TAOK1: variants seen among roughly 807,000 people sequenced by gnomAD.
The protein encoded by TAOK1 is TAO kinase 1.
In TAOK1, 21 loss-of-function variants were observed where a neutral mutation model predicts 138.3. That is an observed-to-expected ratio of 0.15 (90% CI 0.11 to 0.22). The LOEUF (loss-of-function observed/expected upper bound fraction) is 0.22, where lower values mean the gene tolerates loss of function less well. Ranked by LOEUF, TAOK1 falls within the 10% of genes least tolerant of loss-of-function variation. The pLI, the probability that TAOK1 is intolerant of heterozygous loss-of-function variation, is 1.00. For missense variants in TAOK1, 651 were observed against 1,227.7 expected, an observed-to-expected ratio of 0.53 and a Z score of 7.02; for synonymous variants, 361 against 398.4, an observed-to-expected ratio of 0.91 and a Z score of 1.12.
chr17:29,457,723 G>C (rs567180148), intron 2 of TAOK1, among the ~76,000 whole-genome samples: 17 of 151,740 alleles, frequency 1.1e-4, no homozygotes, highest in Non-Finnish European at 2.2e-4. Flanking sequence ...ACTGATTTAA[G>C]TGCCATCCAA....
intron 1 of TAOK1, among the ~76,000 whole-genome samples, chr17:29,432,428 A>G (rs1427504160): frequency 6.6e-6 from 1 of 152,236 alleles, no homozygotes; most frequent in East Asian, 1.9e-4. Flanking sequence ...CATCATGGCC[A>G]TCACAAACAT....
intron 17 of TAOK1, among the ~76,000 whole-genome samples, chr17:29,526,666 A>T (rs1033477092): frequency 1.3e-5 from 2 of 151,978 alleles, no homozygotes; most frequent in Non-Finnish European, 2.9e-5. Context: ...CACCCACCTC[A>T]GCCTCTCAGA....
intron 1 of TAOK1, among the ~76,000 whole-genome samples, chr17:29,416,455 A>T (rs550224048): frequency 2.0e-5 from 3 of 152,064 alleles, no homozygotes; most frequent in African/African-American, 4.8e-5. Context: ...AAGACTTCTC[A>T]AAGAGAAGTC....
chr17:29,445,666 A>G (rs1030947910), intron 1 of TAOK1, among the ~76,000 whole-genome samples: 1 of 151,984 alleles, frequency 6.6e-6, no homozygotes, highest in Non-Finnish European at 1.5e-5. Flanking sequence ...ATCCTGCTTG[A>G]TTGTGCTGTG....
chr17:29,483,734 A>G (rs2031111162), intron 8 of TAOK1, among the ~76,000 whole-genome samples: 1 of 152,206 alleles, frequency 6.6e-6, no homozygotes, highest in South Asian at 2.1e-4. Flanking sequence ...TTTGGAGATT[A>G]CCATGTCATA....
chr17:29,482,939 A>G (rs2031093648), intron 8 of TAOK1, among the ~76,000 whole-genome samples: 1 of 152,176 alleles, frequency 6.6e-6, no homozygotes, highest in African/African-American at 2.4e-5. Context: ...GTGGACCATC[A>G]TAACTTCTGT....
intron 19 of TAOK1, among the ~76,000 whole-genome samples, chr17:29,541,573 C>G (rs999434035): frequency 1.8e-4 from 27 of 150,826 alleles, no homozygotes; most frequent in Admixed American, 5.3e-4. Flanking sequence ...GTCAGCAGTT[C>G]AAGATCAGCC....
intron 18 of TAOK1, among the ~76,000 whole-genome samples, chr17:29,530,962 A>ATTTTTTCTTTT (rs2032090742): frequency 1.0e-5 from 1 of 96,192 alleles, no homozygotes; most frequent in African/African-American, 4.4e-5. Flanking sequence ...ACAAGTACAA[A>ATTTTTTCTTTT]TTTTTTTTTT....
intron 3 of TAOK1, among the ~76,000 whole-genome samples, chr17:29,470,507 G>T (rs1160789864): frequency 6.6e-6 from 1 of 150,702 alleles, no homozygotes; most frequent in Non-Finnish European, 1.5e-5. Context: ...GAACTTTATG[G>T]TATATAAATT....
At chr17:29,444,123 A>AC (rs1257437653) in intron 1 of TAOK1, among the ~76,000 whole-genome samples, 1 of 151,906 alleles carries the variant, frequency 6.6e-6, no homozygotes, top group Non-Finnish European at 1.5e-5. Flanking sequence ...AGAAAAAAAA[A>AC]AAGGCCTGAT....
At chr17:29,419,375 T>C (rs892857726) in intron 1 of TAOK1, among the ~76,000 whole-genome samples, 2 of 152,096 alleles carry the variant, frequency 1.3e-5, no homozygotes, top group African/African-American at 4.8e-5. Flanking sequence ...TTTGTATTTT[T>C]AATAGAGACG....
chr17:29,532,354 G>GTTT (rs146631894), intron 18 of TAOK1, among the ~76,000 whole-genome samples: 24 of 143,084 alleles, frequency 1.7e-4, no homozygotes, highest in Non-Finnish European at 2.4e-4. Context: ...GTTTGTTTGT[G>GTTT]GTTTTTTTTT....
chr17:29,434,681 A>T (rs1293781208), intron 1 of TAOK1, among the ~76,000 whole-genome samples: 3 of 152,134 alleles, frequency 2.0e-5, no homozygotes. Flanking sequence ...GGCCTCATTT[A>T]TGCCATGGAT....
chr17:29,536,044 G>A (rs1420125551), intron 19 of TAOK1, among the ~76,000 whole-genome samples: 3 of 152,126 alleles, frequency 2.0e-5, no homozygotes, highest in East Asian at 3.9e-4. Context: ...TGTAATCCCA[G>A]CACTTTGGGA....
At chr17:29,521,617 C>G (rs1007117438) in intron 16 of TAOK1, among the ~76,000 whole-genome samples, 4 of 152,200 alleles carry the variant, frequency 2.6e-5, no homozygotes, top group African/African-American at 9.6e-5. Context: ...GAGTCTCGCT[C>G]TGTCGCCCAG....
chr17:29,458,067 G>A (rs565866170), intron 2 of TAOK1, among the ~76,000 whole-genome samples: 4 of 151,598 alleles, frequency 2.6e-5, no homozygotes, highest in African/African-American at 9.7e-5. Flanking sequence ...CCGAGATTGC[G>A]CCACTGGGCT....
At chr17:29,531,119 G>T (rs901453857) in intron 18 of TAOK1, among the ~76,000 whole-genome samples, 40 of 150,334 alleles carry the variant, frequency 2.7e-4, no homozygotes, top group African/African-American at 9.3e-4. Context: ...CTGCCACTAT[G>T]CCCGGCTAAT....
At chr17:29,430,406 G>T (rs890514829) in intron 1 of TAOK1, among the ~76,000 whole-genome samples, 1 of 152,150 alleles carries the variant, frequency 6.6e-6, no homozygotes, top group African/African-American at 2.4e-5. Context: ...AGTTACAAAG[G>T]TCACACTCCT....
chr17:29,521,803 C>A (rs1206977068), intron 16 of TAOK1, among the ~76,000 whole-genome samples: 1 of 152,198 alleles, frequency 6.6e-6, no homozygotes, highest in South Asian at 2.1e-4. Flanking sequence ...AGGATGGTCT[C>A]GATCTCCTGA....
Sources: gnomAD v4.1 joint callset for allele counts (sites outside exome capture counted in the v4.1 genomes callset) on GRCh38, gnomAD v4.1.1 for gene constraint, MANE v1.5 for transcripts, NCBI Gene and HGNC (gene_info 2026-07-23, HGNC 2026-07-21) for gene names.